The following RBFOX1 variants were observed in gnomAD, a reference collection of about 807,000 sequenced individuals.
RBFOX1 encodes the protein RNA binding protein fox-1 homolog 1.
Under a neutral mutation model 57.7 loss-of-function variants are expected in RBFOX1, and 8 were observed. The observed-to-expected ratio is 0.14, with a 90% CI of 0.08 to 0.25. The LOEUF (loss-of-function observed/expected upper bound fraction) is 0.25, where lower values mean the gene tolerates loss of function less well. RBFOX1 is among the 10% of genes least tolerant of loss of function. RBFOX1 has a pLI of 1.00. For synonymous variants in RBFOX1, 326 were observed against 222.4 expected (o/e 1.47, Z -4.15); for missense variants, 611 against 548.5 (o/e 1.11, Z -1.14).
intron 4 of RBFOX1, among the ~76,000 whole-genome samples, chr16:7,173,086 A>C (rs536783920): frequency 6.6e-6 from 1 of 152,350 alleles, no homozygotes; most frequent in South Asian, 2.1e-4. Flanking sequence ...TGAGTTCAGA[A>C]GAAAGACTAG....
intron 2 of RBFOX1, among the ~76,000 whole-genome samples, chr16:6,603,560 C>A (rs1434496527): frequency 6.6e-6 from 1 of 152,168 alleles, no homozygotes; most frequent in Non-Finnish European, 1.5e-5. Context: ...CTCCACACTC[C>A]ATGATTCTGA....
At position 6,316,989 on chromosome 16, in the gene RBFOX1, C is replaced by G; in HGVS notation, c.-126-6C>G. On this transcript the variant is annotated splice_region_variant and splice_polypyrimidine_tract_variant and intron_variant, in intron 1 of 15. Transcript: ENST00000550418. ...TACTAAAGTCATTCCCCTTTTTCTT[C>G]TTTAGGAAACTGGTCAAAGAACTCA... The G allele has an allele frequency of 6.5e-7, 1 of 1,532,248 alleles. No individual in the cohort carries two copies. Among genetic ancestry groups the G allele is most frequent in the South Asian group, 1.2e-5 (1 of 83,578 alleles). The allele number at this position is 1,532,248 out of a possible 1,614,324, so 94.9% of individuals were successfully genotyped here.
intron 5 of RBFOX1, among the ~76,000 whole-genome samples, chr16:7,529,191 G>A (rs1284681226): frequency 6.6e-6 from 1 of 152,114 alleles, no homozygotes; most frequent in African/African-American, 2.4e-5. Context: ...AACCTGGGAG[G>A]CGGAGCTTAC....
chr16:6,759,676 C>G (rs1377665110), intron 3 of RBFOX1, among the ~76,000 whole-genome samples: 1 of 151,966 alleles, frequency 6.6e-6, no homozygotes, highest in Non-Finnish European at 1.5e-5. Flanking sequence ...TTTGCCTTTT[C>G]TTAAATTTCA....
At chr16:6,838,773 T>G (rs182761475) in intron 3 of RBFOX1, among the ~76,000 whole-genome samples, 19 of 152,274 alleles carry the variant, frequency 1.2e-4, no homozygotes, top group South Asian at 6.2e-4. Flanking sequence ...ATTAGTGTCA[T>G]ACAAATGTAC....
intron 2 of RBFOX1, among the ~76,000 whole-genome samples, chr16:6,354,258 T>TA (rs879524154): frequency 8.6e-4 from 130 of 151,616 alleles, no homozygotes; most frequent in African/African-American, 2.8e-3. Context: ...TAGATATATA[T>TA]AAAAAAAATA....
chr16:7,473,009 T>A (rs2061854609), intron 4 of RBFOX1, among the ~76,000 whole-genome samples: 1 of 152,136 alleles, frequency 6.6e-6, no homozygotes, highest in Non-Finnish European at 1.5e-5. Flanking sequence ...CCTCTCAACC[T>A]CACAGTCCTT....
rs932714829 is a variant in RBFOX1 at position 6,989,278 on chromosome 16, G to T, written c.-15-62779G>T. Among the ~76,000 whole-genome samples the T allele has an allele frequency of 4.1e-4, 63 of 152,160 alleles. 1 individual carries two copies. Among genetic ancestry groups the T allele is most frequent in the African/African-American group, 1.4e-3 (60 of 41,440 alleles). On this transcript the variant is annotated intron_variant, in intron 3 of 15. Coordinates refer to ENST00000550418, the MANE Select transcript of RBFOX1 (RefSeq NM_018723.4). ...CATTATTTTTCTCTTGGGCAGTATGGATCTGGATAATTTGTCTATGAAGAT... is the reference window on the plus strand; with the variant it reads ...CATTATTTTTCTCTTGGGCAGTATGTATCTGGATAATTTGTCTATGAAGAT...
intron 3 of RBFOX1, among the ~76,000 whole-genome samples, chr16:6,814,572 A>C (rs774061391): frequency 6.6e-6 from 1 of 152,176 alleles, no homozygotes; most frequent in Non-Finnish European, 1.5e-5. Flanking sequence ...ACTGATGAGC[A>C]TGATAGATGC....
At chr16:7,231,793 C>T (rs940857098) in intron 4 of RBFOX1, among the ~76,000 whole-genome samples, 1 of 152,032 alleles carries the variant, frequency 6.6e-6, no homozygotes, top group South Asian at 2.1e-4. Context: ...GTAAAAGAAC[C>T]CAGAATCAAA....
At chr16:5,690,466 T>C (rs2050639785) in intron 3 of RBFOX1, among the ~76,000 whole-genome samples, 1 of 152,130 alleles carries the variant, frequency 6.6e-6, no homozygotes, top group African/African-American at 2.4e-5. Context: ...TTAGGAGAAC[T>C]GGACAAAATA....
intron 4 of RBFOX1, among the ~76,000 whole-genome samples, chr16:7,391,688 G>A (rs1234521720): frequency 6.6e-6 from 1 of 152,206 alleles, no homozygotes; most frequent in Non-Finnish European, 1.5e-5. Context: ...CCAAAAGACT[G>A]TAAAGGCCAT....
chr16:7,394,779 T>A (rs73550756), intron 4 of RBFOX1, among the ~76,000 whole-genome samples: 3,848 of 152,280 alleles, frequency 0.025, 160 homozygotes, highest in African/African-American at 0.089. Flanking sequence ...CACTCTTTTT[T>A]CCTGGTATAA....
chr16:7,649,528 G>C (rs970918179), intron 11 of RBFOX1, among the ~76,000 whole-genome samples: 1 of 152,010 alleles, frequency 6.6e-6, no homozygotes, highest in Admixed American at 6.5e-5. Flanking sequence ...GCTGTGGTTC[G>C]AACACCTCTA....
chr16:7,009,887 C>T (rs921924350), intron 3 of RBFOX1, among the ~76,000 whole-genome samples: 13 of 152,098 alleles, frequency 8.5e-5, no homozygotes, highest in African/African-American at 2.7e-4. Context: ...ATTTTGGTGC[C>T]GTTTAGCTGT....
intron 10 of RBFOX1, among the ~76,000 whole-genome samples, chr16:7,617,892 A>G (rs796874646): frequency 2.0e-5 from 3 of 152,298 alleles, no homozygotes; most frequent in African/African-American, 7.2e-5. Context: ...TTAAAGGGTA[A>G]GAGTTCACCT....
At chr16:6,505,261 T>C (rs547640307) in intron 2 of RBFOX1, among the ~76,000 whole-genome samples, 8 of 152,196 alleles carry the variant, frequency 5.3e-5, no homozygotes, top group South Asian at 2.1e-4. Context: ...TCACAGTCAA[T>C]AGCAGAAATG....
At chr16:7,503,182 G>A (rs557352332) in intron 4 of RBFOX1, among the ~76,000 whole-genome samples, 10 of 152,004 alleles carry the variant, frequency 6.6e-5, no homozygotes, top group Non-Finnish European at 1.5e-4. Context: ...TTATCCTTTC[G>A]TTAGTGTGAC....
chr16:6,422,606 T>C (rs2093806962), intron 2 of RBFOX1, among the ~76,000 whole-genome samples: 1 of 152,094 alleles, frequency 6.6e-6, no homozygotes, highest in Admixed American at 6.6e-5. Context: ...CTTCCAATCA[T>C]GGCAGAAGAC....
Sources: allele counts gnomAD v4.1 joint callset (sites outside exome capture counted in the v4.1 genomes callset), GRCh38; gene constraint gnomAD v4.1.1; transcripts MANE v1.5; gene names NCBI Gene and HGNC (gene_info 2026-07-23, HGNC 2026-07-21).